ALG14: variants seen among roughly 807,000 people sequenced by gnomAD.
ALG14 encodes the protein UDP-N-acetylglucosamine transferase subunit ALG14.
A neutral mutation model predicts 22.8 loss-of-function variants in ALG14; 17 were observed. That is an observed-to-expected ratio of 0.75 (90% CI 0.51 to 1.12). The LOEUF (loss-of-function observed/expected upper bound fraction) is 1.12, where lower values mean the gene tolerates loss of function less well. ALG14 is among the 50% of genes most tolerant of loss of function. The pLI, the probability that ALG14 is intolerant of heterozygous loss-of-function variation, is 0.00. For missense variants in ALG14, 288 were observed against 271.8 expected (o/e 1.06, Z -0.42); for synonymous variants, 89 against 103.7 (o/e 0.86, Z 0.86).
At chr1:95,014,380 A>G (rs759441039) in intron 3 of ALG14, among the ~76,000 whole-genome samples, 6 of 152,172 alleles carry the variant, frequency 3.9e-5, no homozygotes, top group Non-Finnish European at 8.8e-5. Flanking sequence ...TCACCCCCAA[A>G]ATAGGGCCTG....
chr1:95,064,235 A>G (rs972692626), intron 2 of ALG14, among the ~76,000 whole-genome samples: 1 of 152,172 alleles, frequency 6.6e-6, no homozygotes, highest in Non-Finnish European at 1.5e-5. Flanking sequence ...AGCAAGGATA[A>G]TTTGACTTCC....
In ALG14 at chr1:94,983,237, T is replaced by G. The variant is rs1253644736; in HGVS notation, c.490A>C (p.Ile164Leu). 1.9e-6 allele frequency: 3 copies of G among 1,614,166 alleles called. No homozygotes were observed. The South Asian group carries it at 3.3e-5, about 18-fold the overall frequency. The change falls in exon 4 of 4, where the codon ATA (isoleucine) becomes CTA (leucine). Residue 164 changes from isoleucine to leucine, a missense_variant. By Grantham distance (5) the Ile-to-Leu change is conservative. Coordinates refer to ENST00000370205, the MANE Select transcript of ALG14 (RefSeq NM_144988.4). ...VSALLLGILG[I>L]KKVIIVYVES... Reference sequence around the variant, plus strand: ...ACGTAGACAATGATCACTTTCTTTATTCCTAGTATCCCAAGGAGAAGGGCA... The same window carrying G: ...ACGTAGACAATGATCACTTTCTTTAGTCCTAGTATCCCAAGGAGAAGGGCA...
chr1:94,994,656 C>T (rs1672862927), intron 3 of ALG14, among the ~76,000 whole-genome samples: 2 of 152,140 alleles, frequency 1.3e-5, no homozygotes, highest in Admixed American at 1.3e-4. Flanking sequence ...GACTCAAACC[C>T]AAGCTTTTTG....
At chr1:95,055,585 A>G (rs1029922250) in intron 2 of ALG14, among the ~76,000 whole-genome samples, 3 of 152,176 alleles carry the variant, frequency 2.0e-5, no homozygotes, top group African/African-American at 4.8e-5. Context: ...TCATATAGAT[A>G]TAAGTTCTCC....
chr1:95,040,485 T>C (rs1397930992), intron 2 of ALG14, among the ~76,000 whole-genome samples: 2 of 152,170 alleles, frequency 1.3e-5, no homozygotes, highest in African/African-American at 2.4e-5. Flanking sequence ...AGTACATCTC[T>C]AGTCACAGCC....
intron 3 of ALG14, among the ~76,000 whole-genome samples, chr1:94,986,415 A>C (rs1335010425): frequency 6.6e-6 from 1 of 152,182 alleles, no homozygotes; most frequent in Admixed American, 6.5e-5. Flanking sequence ...TTCCTTTGCC[A>C]AACTTGACCA....
chr1:95,012,904 G>C (rs1673406113), intron 3 of ALG14, among the ~76,000 whole-genome samples: 1 of 152,050 alleles, frequency 6.6e-6, no homozygotes, highest in South Asian at 2.1e-4. Flanking sequence ...AGGCCGATGA[G>C]GGCGAATCAC....
At chr1:94,999,207 T>C (rs1672992234) in intron 3 of ALG14, among the ~76,000 whole-genome samples, 1 of 151,152 alleles carries the variant, frequency 6.6e-6, no homozygotes, top group African/African-American at 2.4e-5. Context: ...ATTCCCTCCA[T>C]TCAGGCAATT....
intron 3 of ALG14, among the ~76,000 whole-genome samples, chr1:95,016,295 T>C (rs1466858110): frequency 1.3e-5 from 2 of 152,158 alleles, no homozygotes; most frequent in Non-Finnish European, 2.9e-5. Context: ...TGCTTTCCTA[T>C]TAGTTCTAAG....
intron 2 of ALG14, among the ~76,000 whole-genome samples, chr1:95,041,902 C>T (rs899720506): frequency 6.6e-6 from 1 of 152,036 alleles, no homozygotes; most frequent in African/African-American, 2.4e-5. Flanking sequence ...AAAAAGAATG[C>T]AAACCAAAAG....
At chr1:95,035,005 T>A (rs1472451153) in intron 2 of ALG14, among the ~76,000 whole-genome samples, 1 of 152,088 alleles carries the variant, frequency 6.6e-6, no homozygotes, top group Non-Finnish European at 1.5e-5. Flanking sequence ...CCCCGACACA[T>A]TCCCTAAGCC....
At chr1:95,009,046 T>C (rs1673292533) in intron 3 of ALG14, among the ~76,000 whole-genome samples, 1 of 152,124 alleles carries the variant, frequency 6.6e-6, no homozygotes, top group Non-Finnish European at 1.5e-5. Flanking sequence ...TACATTTTGT[T>C]TCTCCACATC....
chr1:95,042,903 A>G (rs1674427819), intron 2 of ALG14, among the ~76,000 whole-genome samples: 1 of 152,062 alleles, frequency 6.6e-6, no homozygotes, highest in African/African-American at 2.4e-5. Context: ...GACTTGCAAC[A>G]TCCAGTTTGG....
At chr1:95,044,112 C>T (rs563058015) in intron 2 of ALG14, among the ~76,000 whole-genome samples, 34 of 152,128 alleles carry the variant, frequency 2.2e-4, no homozygotes, top group Non-Finnish European at 4.1e-4. Context: ...ATGTTTGATT[C>T]CTCTGTTTTC....
chr1:95,033,442 C>T (rs1051583785), intron 2 of ALG14, among the ~76,000 whole-genome samples: 10 of 143,156 alleles, frequency 7.0e-5, no homozygotes, highest in African/African-American at 2.4e-4. Context: ...CACACACACA[C>T]ACATACATAT....
chr1:95,027,316 CAT>C (rs1673852334), intron 2 of ALG14, 56 bp from the exon 3 acceptor site: 1 of 1,584,280 alleles, frequency 6.3e-7, no homozygotes, highest in South Asian at 1.1e-5. Flanking sequence ...CAAAGTTAAA[CAT>C]AGTAACAATT....
At chr1:95,011,086 T>C (rs949098507) in intron 3 of ALG14, among the ~76,000 whole-genome samples, 1 of 152,180 alleles carries the variant, frequency 6.6e-6, no homozygotes, top group Non-Finnish European at 1.5e-5. Context: ...GGCATCTAGA[T>C]TAGCCTAGAA....
intron 2 of ALG14, among the ~76,000 whole-genome samples, chr1:95,064,057 T>C (rs909564824): frequency 1.6e-4 from 24 of 152,138 alleles, no homozygotes; most frequent in Non-Finnish European, 3.5e-4. Context: ...TGAATGGGAG[T>C]TCATTCATGA....
intron 3 of ALG14, chr1:95,022,508 T>A: frequency 3.2e-6 from 1 of 313,724 alleles, no homozygotes; most frequent in Non-Finnish European, 4.6e-6. Context: ...TCTGTATCTT[T>A]AAGGAGGCTG....
Sources: allele counts gnomAD v4.1 joint callset (sites outside exome capture counted in the v4.1 genomes callset), GRCh38; gene constraint gnomAD v4.1.1; transcripts MANE v1.5; gene names NCBI Gene and HGNC (gene_info 2026-07-23, HGNC 2026-07-21).